SCLT1: variants seen among roughly 807,000 people sequenced by gnomAD.
SCLT1 encodes the protein sodium channel and clathrin linker 1, also known as sodium channel-associated protein 1.
In SCLT1, 78 loss-of-function variants were observed where a neutral mutation model predicts 112.8. That is an observed-to-expected ratio of 0.69 (90% CI 0.58 to 0.83). The LOEUF is 0.83. SCLT1 is among the 40% of genes least tolerant of loss of function. The pLI is 0.00. For synonymous variants in SCLT1, 257 were observed against 254.7 expected, an observed-to-expected ratio of 1.01 and a Z score of -0.09; for missense variants, 747 against 770.4, an observed-to-expected ratio of 0.97 and a Z score of 0.36.
chr4:128,974,097 A>G (rs1206920557), intron 9 of SCLT1, among the ~76,000 whole-genome samples: 1 of 152,212 alleles, frequency 6.6e-6, no homozygotes, highest in East Asian at 1.9e-4. Context: ...TAAAGTTCAA[A>G]TAAGTTAATA....
chr4:128,881,152 G>T (rs1337059762), downstream of SCLT1, among the ~76,000 whole-genome samples: 2 of 152,086 alleles, frequency 1.3e-5, no homozygotes. Flanking sequence ...TAAGGGACAG[G>T]TTTTTATCTG....
intron 2 of SCLT1, among the ~76,000 whole-genome samples, chr4:129,066,000 G>A (rs1187627489): frequency 6.6e-6 from 1 of 151,792 alleles, no homozygotes; most frequent in Non-Finnish European, 1.5e-5. Flanking sequence ...AATGCTGGAA[G>A]CAATGGTTAT....
At chr4:129,049,602 A>G (rs1748558214) in intron 2 of SCLT1, among the ~76,000 whole-genome samples, 1 of 150,346 alleles carries the variant, frequency 6.7e-6, no homozygotes, top group Non-Finnish European at 1.5e-5. Context: ...CACATTGTGC[A>G]CATGTACCCT....
At chr4:129,040,099 TTC>T (rs1747569614) in intron 4 of SCLT1, 2 of 684,890 alleles carry the variant, frequency 2.9e-6, no homozygotes, top group Non-Finnish European at 5.4e-6. Context: ...GCCAGCCTTT[TTC>T]TCTCTCTTTC....
chr4:129,068,038 T>C (rs978568608), intron 2 of SCLT1, among the ~76,000 whole-genome samples: 3 of 152,166 alleles, frequency 2.0e-5, no homozygotes, highest in African/African-American at 4.8e-5. Context: ...GTCATCCTTA[T>C]GCTTTACATC....
intron 2 of SCLT1, among the ~76,000 whole-genome samples, chr4:129,046,512 T>C (rs1748194944): frequency 6.6e-6 from 1 of 152,150 alleles, no homozygotes; most frequent in Non-Finnish European, 1.5e-5. Flanking sequence ...TAATTTTGGT[T>C]AGTTCATTCT....
At chr4:129,062,828 GA>G in intron 2 of SCLT1, among the ~76,000 whole-genome samples, 1 of 152,224 alleles carries the variant, frequency 6.6e-6, no homozygotes, top group South Asian at 2.1e-4. Context: ...AACTGTCTTT[GA>G]TTTTTGACAA....
chr4:128,966,195 G>C (rs1021076381), intron 10 of SCLT1, among the ~76,000 whole-genome samples: 4 of 149,430 alleles, frequency 2.7e-5, no homozygotes, highest in Admixed American at 2.0e-4. Context: ...AAACTCCTTG[G>C]ATCAAGTGAT....
intron 5 of SCLT1, among the ~76,000 whole-genome samples, chr4:129,025,289 C>A (rs988024475): frequency 1.3e-5 from 2 of 152,188 alleles, no homozygotes; most frequent in Admixed American, 6.5e-5. Flanking sequence ...ATGTTAAGGG[C>A]AGCCAGAGAG....
chr4:128,890,932 G>C, intron 19 of SCLT1, 127 bp downstream of exon 19: 1 of 629,878 alleles, frequency 1.6e-6, no homozygotes, highest in Non-Finnish European at 2.8e-6. Flanking sequence ...GGCTTTTAGG[G>C]TTATGGATGA....
chr4:129,073,056 A>G (rs1350469947), intron 2 of SCLT1, among the ~76,000 whole-genome samples: 1 of 152,084 alleles, frequency 6.6e-6, no homozygotes, highest in African/African-American at 2.4e-5. Context: ...GTCTATCTGT[A>G]GTGATTGCTA....
chr4:128,903,483 GA>G (rs1003242896), intron 18 of SCLT1, among the ~76,000 whole-genome samples: 47 of 152,144 alleles, frequency 3.1e-4, no homozygotes, highest in African/African-American at 1.1e-3. Context: ...ATAGTAGTTA[GA>G]AAATTTTAAT....
intron 15 of SCLT1, among the ~76,000 whole-genome samples, chr4:128,947,763 A>G (rs1002876725): frequency 3.3e-5 from 5 of 152,214 alleles, no homozygotes; most frequent in African/African-American, 4.8e-5. Flanking sequence ...TTTTTCTGAA[A>G]TATCACGGGG....
At chr4:128,890,764 AT>A (rs1733246523) in intron 19 of SCLT1, among the ~76,000 whole-genome samples, 1 of 152,218 alleles carries the variant, frequency 6.6e-6, no homozygotes, top group Non-Finnish European at 1.5e-5. Context: ...TTAAAAAATA[AT>A]TTTAGAGATG....
At chr4:128,912,643 C>T (rs1204856819) in intron 18 of SCLT1, among the ~76,000 whole-genome samples, 1 of 151,922 alleles carries the variant, frequency 6.6e-6, no homozygotes, top group Non-Finnish European at 1.5e-5. Context: ...TCTTTTTGTG[C>T]AAGTAAAAGT....
At chr4:128,974,456 T>C (rs1448208787) in intron 9 of SCLT1, among the ~76,000 whole-genome samples, 1 of 151,864 alleles carries the variant, frequency 6.6e-6, no homozygotes, top group Admixed American at 6.6e-5. Flanking sequence ...GGAGCTCTCC[T>C]GAAGCCAAGA....
At position 128,948,493 on chromosome 4, in the gene SCLT1, T is replaced by A. The variant is rs748763030; in HGVS notation, c.1293+3A>T. 1 of 1,606,436 alleles carries A rather than the reference T, an allele frequency of 6.2e-7. No individual in the cohort carries two copies. Among genetic ancestry groups the A allele is most frequent in the African/African-American group, 1.3e-5 (1 of 74,606 alleles). ...GGTAGTTATATTTCCTTTTTCTTTT[T>A]ACCTTTTCTAGTTCTTCTTCCACTG... On this transcript the variant is annotated splice_donor_region_variant and intron_variant, in intron 15 of 20. Transcript: ENST00000281142.
Position 129,065,037 on chromosome 4 carries a change from C to T in SCLT1, c.102+17269G>A, listed in dbSNP as rs1466903993. ...TTAGAACCTTTTATTTTTTTCTTTGCTTATTCTTGCTTATTCTCCATGGTG... is the reference window on the plus strand; with the variant it reads ...TTAGAACCTTTTATTTTTTTCTTTGTTTATTCTTGCTTATTCTCCATGGTG... On this transcript the variant is annotated intron_variant, in intron 2 of 20. Coordinates refer to ENST00000281142, the MANE Select transcript of SCLT1 (RefSeq NM_144643.4). Among the ~76,000 whole-genome samples, 8 of 151,882 alleles carry T rather than the reference C, an allele frequency of 5.3e-5. No individual in the cohort carries two copies. In the East Asian group the frequency reaches 1.5e-3, roughly 29 times the overall value.
At chr4:129,064,804 T>C (rs987963196) in intron 2 of SCLT1, among the ~76,000 whole-genome samples, 1 of 152,192 alleles carries the variant, frequency 6.6e-6, no homozygotes, top group Admixed American at 6.5e-5. Context: ...GTTAACTTTT[T>C]GTTGTTGCTT....
Sources: gnomAD v4.1 joint callset for allele counts (sites outside exome capture counted in the v4.1 genomes callset) on GRCh38, gnomAD v4.1.1 for gene constraint, MANE v1.5 for transcripts, NCBI Gene and HGNC (gene_info 2026-07-23, HGNC 2026-07-21) for gene names.